Variants in FRMD4B observed in about 807,000 individuals in gnomAD.
The protein encoded by FRMD4B is FERM domain containing 4B.
Under a neutral mutation model 141.5 loss-of-function variants are expected in FRMD4B, and 74 were observed. That is an observed-to-expected ratio of 0.52 (90% confidence interval 0.43 to 0.63). The LOEUF (loss-of-function observed/expected upper bound fraction) is 0.63, where lower values mean the gene tolerates loss of function less well. Ranked by LOEUF, FRMD4B falls within the 30% of genes least tolerant of loss-of-function variation. FRMD4B has a pLI of 0.00. For missense variants in FRMD4B, 1,366 were observed against 1,253.4 expected, an observed-to-expected ratio of 1.09 and a Z score of -1.36; for synonymous variants, 506 against 467.9, an observed-to-expected ratio of 1.08 and a Z score of -1.05.
chr3:69,203,341 A>AAAAAAAAAAAAAAAAAG (rs1553700373), intron 11 of FRMD4B, among the ~76,000 whole-genome samples: 8 of 77,016 alleles, frequency 1.0e-4, no homozygotes, highest in Admixed American at 5.2e-4. Flanking sequence ...AAAAAAAAAA[A>AAAAAAAAAAAAAAAAAG]AAAGAAAGAA....
At position 69,181,072 on chromosome 3, in the gene FRMD4B, G is replaced by T. The variant is rs1258259764; in HGVS notation, c.2678C>A (p.Ala893Asp). The T allele has an allele frequency of 1.8e-5, 29 of 1,614,004 alleles. No individual in the cohort carries two copies. The highest frequency in any genetic ancestry group is 2.4e-5 in the Non-Finnish European group (28 of 1,179,898). Residue 893 changes from alanine to aspartate, a missense_variant, in exon 21 of 23, where the codon GCC (alanine) becomes GAC (aspartate). By Grantham distance (126) the Ala-to-Asp change is moderately radical. Transcript: ENST00000398540. ...SEHITKNIHK[A>D]LVAEHLRGWY... ...GCCACGCAAGTGCTCGGCAACTAAGGCCTTGTGGATGTTTTTGGTGATGTG... is the reference window on the plus strand; with the variant it reads ...GCCACGCAAGTGCTCGGCAACTAAGTCCTTGTGGATGTTTTTGGTGATGTG...
At chr3:69,205,059 CAA>C (rs33955997) in intron 11 of FRMD4B, among the ~76,000 whole-genome samples, 2 of 124,434 alleles carry the variant, frequency 1.6e-5, no homozygotes, top group East Asian at 2.6e-4. Context: ...ATGTTTTTAA[CAA>C]AAAAAAAAAA....
At position 69,322,093 on chromosome 3, in the gene FRMD4B, A is replaced by T. The variant is rs115485907; in HGVS notation, c.163-8576T>A. Among the ~76,000 whole-genome samples, 943 of 152,186 alleles carry T rather than the reference A, an allele frequency of 6.2e-3. 8 individuals are homozygous for T. Among genetic ancestry groups the T allele is most frequent in the African/African-American group, 0.021 (887 of 41,502 alleles). The stretch of plus-strand genomic sequence containing the variant: ...AGCCCTGGCCCAGAAAAACTCACAC[A>T]TAAAAAACACTCTTTCCACCCAGAG... On this transcript the variant is annotated intron_variant, in intron 1 of 22. Coordinates refer to ENST00000398540, the MANE Select transcript of FRMD4B (RefSeq NM_015123.3).
intron 11 of FRMD4B, among the ~76,000 whole-genome samples, chr3:69,210,238 C>G (rs922754111): frequency 5.3e-5 from 8 of 152,216 alleles, no homozygotes; most frequent in Non-Finnish European, 1.2e-4. Context: ...GTCATTTTAT[C>G]TCTGCCATCT....
intron 5 of FRMD4B, among the ~76,000 whole-genome samples, chr3:69,271,990 A>T (rs912761127): frequency 7.9e-5 from 12 of 152,114 alleles, no homozygotes; most frequent in African/African-American, 2.7e-4. Flanking sequence ...AATAAAAAAT[A>T]AAATAAAATA....
At chr3:69,516,533 G>A (rs1212217109) in intron 1 of FRMD4B, among the ~76,000 whole-genome samples, 1 of 152,142 alleles carries the variant, frequency 6.6e-6, no homozygotes, top group Non-Finnish European at 1.5e-5. Flanking sequence ...TTTTCCCCCT[G>A]GAACTTCCAC....
chr3:69,214,455 G>A (rs2093119049), intron 11 of FRMD4B, among the ~76,000 whole-genome samples: 1 of 152,166 alleles, frequency 6.6e-6, no homozygotes, highest in African/African-American at 2.4e-5. Flanking sequence ...AGTCAGTCTT[G>A]ATGTCACTGT....
At chr3:69,419,976 C>T (rs6770035) in intron 2 of FRMD4B, among the ~76,000 whole-genome samples, 55,488 of 152,006 alleles carry the variant, frequency 0.37, 10,660 homozygotes, top group African/African-American at 0.48. Flanking sequence ...CCTGCCTCAG[C>T]CTCCGGAGTA....
intron 1 of FRMD4B, among the ~76,000 whole-genome samples, chr3:69,372,180 C>A (rs1229808493): frequency 6.6e-6 from 1 of 152,198 alleles, no homozygotes; most frequent in African/African-American, 2.4e-5. Flanking sequence ...TCCTTCTCAT[C>A]CTTTGAGTCT....
At chr3:69,348,609 A>T (rs955837814) in intron 1 of FRMD4B, among the ~76,000 whole-genome samples, 3 of 152,258 alleles carry the variant, frequency 2.0e-5, no homozygotes, top group Non-Finnish European at 2.9e-5. Flanking sequence ...AACTGAATCC[A>T]GCAGCACATC....
chr3:69,192,452 A>T (rs111288320), intron 17 of FRMD4B, among the ~76,000 whole-genome samples: 1 of 152,186 alleles, frequency 6.6e-6, no homozygotes, highest in East Asian at 1.9e-4. Flanking sequence ...AATGTAAAGG[A>T]AAAAATGTCT....
At chr3:69,268,861 T>C (rs2106916939) in intron 5 of FRMD4B, among the ~76,000 whole-genome samples, 1 of 152,054 alleles carries the variant, frequency 6.6e-6, no homozygotes, top group Middle Eastern at 3.4e-3. Context: ...ATGTTTAAAA[T>C]ATTTTCACCA....
rs1401012518 is a variant in FRMD4B, at chr3:69,453,655, G to T, written c.-128-20894C>A. 3.3e-5 allele frequency among the ~76,000 whole-genome samples: 5 copies of T among 152,178 alleles called. 1 individual carries two copies. The highest frequency in any genetic ancestry group is 2.6e-4 in the Admixed American group (4 of 15,280). On this transcript the variant is annotated intron_variant, in intron 1 of 5. Coordinates refer to the FRMD4B transcript ENST00000459638. Reference sequence around the variant, plus strand: ...ACCAATCTCAGCATGGCTTCCCAGTGGGGGAGAGATGGGCACATGGCCTGG... The same window carrying T: ...ACCAATCTCAGCATGGCTTCCCAGTTGGGGAGAGATGGGCACATGGCCTGG...
chr3:69,277,712 A>G (rs2093624741), intron 5 of FRMD4B, among the ~76,000 whole-genome samples: 1 of 151,356 alleles, frequency 6.6e-6, no homozygotes, highest in Non-Finnish European at 1.5e-5. Context: ...TTGTATTTTT[A>G]GTAGAGACCG....
chr3:69,312,912 T>C (rs574811016), intron 2 of FRMD4B, among the ~76,000 whole-genome samples: 1 of 152,224 alleles, frequency 6.6e-6, no homozygotes, highest in East Asian at 1.9e-4. Flanking sequence ...TATCTATCTA[T>C]ATCATCACTT....
intron 1 of FRMD4B, among the ~76,000 whole-genome samples, chr3:69,479,786 A>G (rs1706085478): frequency 1.3e-5 from 2 of 152,272 alleles, no homozygotes; most frequent in South Asian, 4.2e-4. Context: ...CTCCTGGATA[A>G]TATCTTGCAG....
intron 1 of FRMD4B, among the ~76,000 whole-genome samples, chr3:69,452,623 A>G (rs1382689251): frequency 6.6e-6 from 1 of 152,252 alleles, no homozygotes; most frequent in Non-Finnish European, 1.5e-5. Context: ...TAATAGAAAA[A>G]GTGACACTTG....
At chr3:69,428,189 C>G (rs1226091696) in intron 2 of FRMD4B, among the ~76,000 whole-genome samples, 3 of 151,608 alleles carry the variant, frequency 2.0e-5, no homozygotes, top group Non-Finnish European at 4.4e-5. Context: ...GTGGCTCAGA[C>G]TATTTTGTGC....
intron 1 of FRMD4B, among the ~76,000 whole-genome samples, chr3:69,377,592 G>C (rs751187928): frequency 7.2e-5 from 11 of 152,156 alleles, no homozygotes; most frequent in Non-Finnish European, 1.3e-4. Context: ...GGAAATCGCA[G>C]TCCCTTAAAG....
Sources: allele counts gnomAD v4.1 joint callset (sites outside exome capture counted in the v4.1 genomes callset), GRCh38; gene constraint gnomAD v4.1.1; transcripts MANE v1.5; gene names NCBI Gene and HGNC (gene_info 2026-07-23, HGNC 2026-07-21).